The following DYNC1I1 variants were observed in gnomAD, a reference collection of about 807,000 sequenced individuals.
DYNC1I1 encodes the protein dynein cytoplasmic 1 intermediate chain 1, also known as cytoplasmic dynein 1 intermediate chain 1.
DYNC1I1 carries 43 observed loss-of-function variants against 86.6 expected under a neutral mutation model. The ratio of observed to expected loss-of-function variants is 0.50; its 90% confidence interval spans 0.39 to 0.64. DYNC1I1 has a LOEUF of 0.64. DYNC1I1 is among the 30% of genes least tolerant of loss of function. The pLI is 0.00. For missense variants in DYNC1I1, 604 were observed against 788.8 expected, an observed-to-expected ratio of 0.77 and a Z score of 2.81; for synonymous variants, 262 against 283.7, an observed-to-expected ratio of 0.92 and a Z score of 0.77.
intron 1 of DYNC1I1, among the ~76,000 whole-genome samples, chr7:95,780,158 C>T (rs191286216): frequency 5.3e-5 from 8 of 152,016 alleles, no homozygotes; most frequent in South Asian, 4.2e-4. Flanking sequence ...CAAAGTGAAG[C>T]GAAGTAATGA....
intron 9 of DYNC1I1, among the ~76,000 whole-genome samples, chr7:95,990,912 C>T (rs1335732671): frequency 1.3e-5 from 2 of 151,952 alleles, no homozygotes; most frequent in East Asian, 3.9e-4. Flanking sequence ...TGCCTGCAGC[C>T]CCAGCTATGT....
chr7:95,783,220 A>C (rs983762108), intron 1 of DYNC1I1, among the ~76,000 whole-genome samples: 1 of 152,242 alleles, frequency 6.6e-6, no homozygotes, highest in Non-Finnish European at 1.5e-5. Flanking sequence ...ATGCATTTGC[A>C]TGATTTTAGC....
chr7:96,025,313 A>G (rs926302127), intron 10 of DYNC1I1, among the ~76,000 whole-genome samples: 2 of 152,062 alleles, frequency 1.3e-5, no homozygotes, highest in African/African-American at 4.8e-5. Flanking sequence ...ATTTTAACAT[A>G]TATGTCATGT....
intron 10 of DYNC1I1, among the ~76,000 whole-genome samples, chr7:95,997,583 TTGTGTGTGTGTG>T (rs34117329): frequency 4.2e-5 from 6 of 142,754 alleles, no homozygotes; most frequent in African/African-American, 1.0e-4. Context: ...AAGGGCATTC[TTGTGTGTGTGTG>T]TGTGTGTGTG....
intron 9 of DYNC1I1, among the ~76,000 whole-genome samples, chr7:95,991,964 G>A (rs575240475): frequency 3.3e-5 from 5 of 152,146 alleles, no homozygotes; most frequent in South Asian, 4.2e-4. Flanking sequence ...GGGTTCAAGC[G>A]TTCTCGTGCC....
At position 95,844,395 on chromosome 7, in the gene DYNC1I1, A is replaced by G. The variant is rs372192118; in HGVS notation, c.374+16279A>G. Among the ~76,000 whole-genome samples, 43 of 152,322 alleles carry G rather than the reference A, an allele frequency of 2.8e-4. 1 individual carries two copies. Among genetic ancestry groups the G allele is most frequent in the African/African-American group, 7.2e-4 (30 of 41,576 alleles). ...AGATTTTATTTTCAATGTTTGAGAG[A>G]CACTGTTAATGTACTTGCCTAGTGG... On this transcript the variant is annotated intron_variant, in intron 5 of 16. Transcript: ENST00000447467.
At chr7:95,951,599 T>G (rs1792556017) in intron 6 of DYNC1I1, among the ~76,000 whole-genome samples, 1 of 152,244 alleles carries the variant, frequency 6.6e-6, no homozygotes, top group Non-Finnish European at 1.5e-5. Flanking sequence ...AAATATCTTT[T>G]CTATGGCACT....
chr7:96,011,891 C>T (rs770205735), intron 10 of DYNC1I1, among the ~76,000 whole-genome samples: 4 of 152,118 alleles, frequency 2.6e-5, no homozygotes, highest in Non-Finnish European at 2.9e-5. Context: ...AAAGATAAGA[C>T]GGGATCCCTG....
intron 6 of DYNC1I1, among the ~76,000 whole-genome samples, chr7:95,969,504 G>A (rs1469212995): frequency 1.3e-5 from 2 of 152,152 alleles, no homozygotes; most frequent in Admixed American, 6.5e-5. Context: ...ACTGCTGAAG[G>A]TATCCACAGA....
chr7:95,798,440 C>A (rs2115760110), intron 1 of DYNC1I1, among the ~76,000 whole-genome samples: 1 of 151,948 alleles, frequency 6.6e-6, no homozygotes, highest in East Asian at 1.9e-4. Context: ...TTATGAGACA[C>A]TAAGCAGGTG....
intron 15 of DYNC1I1, among the ~76,000 whole-genome samples, chr7:96,079,657 AT>A (rs1299596155): frequency 6.6e-6 from 1 of 152,086 alleles, no homozygotes; most frequent in Non-Finnish European, 1.5e-5. Context: ...GGCATTTTCT[AT>A]GAGTGGGTGG....
At chr7:95,998,685 T>A (rs2075978907) in intron 10 of DYNC1I1, among the ~76,000 whole-genome samples, 2 of 152,284 alleles carry the variant, frequency 1.3e-5, no homozygotes, top group Non-Finnish European at 2.9e-5. Flanking sequence ...GTAGCAAGAG[T>A]ACCTTATGAT....
intron 5 of DYNC1I1, among the ~76,000 whole-genome samples, chr7:95,831,006 T>C (rs1215736763): frequency 6.6e-6 from 1 of 152,182 alleles, no homozygotes; most frequent in African/African-American, 2.4e-5. Context: ...ATTTGCCATA[T>C]GAGTATCCTC....
chr7:95,975,974 G>A (rs779056775), intron 6 of DYNC1I1, among the ~76,000 whole-genome samples: 8 of 152,176 alleles, frequency 5.3e-5, no homozygotes, highest in Non-Finnish European at 1.2e-4. Context: ...TTGTGTGTGT[G>A]TGTGAAGAGA....
At chr7:95,887,200 C>T (rs1481476510) in intron 6 of DYNC1I1, among the ~76,000 whole-genome samples, 2 of 152,150 alleles carry the variant, frequency 1.3e-5, no homozygotes, top group African/African-American at 4.8e-5. Flanking sequence ...CTGGGCTTCA[C>T]GAACCCCAGG....
At chr7:96,039,800 A>G (rs764145868) in intron 14 of DYNC1I1, among the ~76,000 whole-genome samples, 1 of 151,282 alleles carries the variant, frequency 6.6e-6, no homozygotes, top group Non-Finnish European at 1.5e-5. Flanking sequence ...GGTGGTATCT[A>G]CTTACTTACA....
chr7:96,032,914 G>A, intron 12 of DYNC1I1, 134 bp downstream of exon 12: 2 of 670,634 alleles, frequency 3.0e-6, no homozygotes, highest in Admixed American at 6.2e-5. Flanking sequence ...GAAAGAGTGG[G>A]GCCTGCTTTC....
At chr7:95,852,148 G>C (rs978048994) in intron 5 of DYNC1I1, among the ~76,000 whole-genome samples, 1 of 152,054 alleles carries the variant, frequency 6.6e-6, no homozygotes, top group Admixed American at 6.5e-5. Flanking sequence ...GCTTTTCTTT[G>C]ATTGGAGACT....
At chr7:95,971,394 T>C (rs1045515500) in intron 6 of DYNC1I1, among the ~76,000 whole-genome samples, 1 of 152,220 alleles carries the variant, frequency 6.6e-6, no homozygotes, top group Non-Finnish European at 1.5e-5. Flanking sequence ...AATTTAAAAA[T>C]ATGTTATAAG....
Sources: gnomAD v4.1 joint callset for allele counts (sites outside exome capture counted in the v4.1 genomes callset) on GRCh38, gnomAD v4.1.1 for gene constraint, MANE v1.5 for transcripts, NCBI Gene and HGNC (gene_info 2026-07-23, HGNC 2026-07-21) for gene names.